The following MYO16 variants were observed in gnomAD, a reference collection of about 807,000 sequenced individuals.
MYO16 encodes the protein myosin XVI.
MYO16 carries 94 observed loss-of-function variants against 205.3 expected under a neutral mutation model. That is an observed-to-expected ratio of 0.46 (90% CI 0.39 to 0.54). The LOEUF (loss-of-function observed/expected upper bound fraction) is 0.54, where lower values mean the gene tolerates loss of function less well. MYO16 is among the 20% of genes least tolerant of loss of function. MYO16 has a pLI of 0.00. For missense variants in MYO16, 2,315 were observed against 2,387.5 expected (o/e 0.97, Z 0.63); for synonymous variants, 988 against 954.0 (o/e 1.04, Z -0.66).
rs546882385 is a variant in MYO16 at position 109,176,874 on chromosome 13, C to T, written c.5324-2668C>T. On this transcript the variant is annotated intron_variant, in intron 33 of 34. Coordinates refer to ENST00000457511, the MANE Select transcript of MYO16 (RefSeq NM_001198950.3). The stretch of plus-strand genomic sequence containing the variant: ...CCACCTGCCCAAGCTGCCATATGTC[C>T]CTGTCTGTGGAGCCCTGACACAGGT... Among the ~76,000 whole-genome samples the T allele has an allele frequency of 3.2e-3, 487 of 152,134 alleles. 2 individuals are homozygous for T. Among genetic ancestry groups the T allele is most frequent in the African/African-American group, 0.011 (463 of 41,488 alleles).
chr13:108,692,103 A>G (rs1209435650), intron 2 of MYO16, among the ~76,000 whole-genome samples: 1 of 152,374 alleles, frequency 6.6e-6, no homozygotes, highest in South Asian at 2.1e-4. Context: ...TACTGTTTAC[A>G]TTTAATAATG....
upstream of MYO16, among the ~76,000 whole-genome samples, chr13:108,629,000 C>A (rs977306803): frequency 1.3e-5 from 2 of 151,928 alleles, no homozygotes; most frequent in South Asian, 2.1e-4. Context: ...AACAATAAAC[C>A]CTAGCAGACC....
chr13:109,179,531 G>T lies in MYO16; in HGVS notation c.5324-11G>T. The T allele has an allele frequency of 6.2e-7, 1 of 1,601,252 alleles. No individual in the cohort carries two copies. The highest frequency in any genetic ancestry group is 1.1e-5 in the South Asian group (1 of 90,768). The stretch of plus-strand genomic sequence containing the variant: ...CACTGCTTAACTCCCGATTTGTGTT[G>T]ACCTCAATAGGTTTACCTGAAGAAG... On this transcript the variant is annotated splice_polypyrimidine_tract_variant and intron_variant, in intron 33 of 34. Transcript: ENST00000457511.
At position 108,823,767 on chromosome 13, in the gene MYO16, A is replaced by T. The variant is rs546448543; in HGVS notation, c.1097+489A>T. On this transcript the variant is annotated intron_variant, in intron 9 of 34. Coordinates refer to ENST00000457511, the MANE Select transcript of MYO16 (RefSeq NM_001198950.3). Reference sequence around the variant, plus strand: ...TGAAAAAGGGACACAAAGTGTGATTAATAAGAATGACAAATAACAACTTAC... The same window carrying T: ...TGAAAAAGGGACACAAAGTGTGATTTATAAGAATGACAAATAACAACTTAC... 5.9e-5 allele frequency among the ~76,000 whole-genome samples: 9 copies of T among 152,018 alleles called. No homozygotes were observed. In the South Asian group the frequency reaches 1.7e-3, roughly 28 times the overall value.
intron 6 of MYO16, among the ~76,000 whole-genome samples, chr13:108,795,196 TTTC>T (rs1489752765): frequency 4.9e-5 from 1 of 20,206 alleles, no homozygotes. Context: ...CTTTTCTTAC[TTTC>T]TTTTTTTTTT....
intron 12 of MYO16, among the ~76,000 whole-genome samples, chr13:108,881,078 T>C (rs1428091301): frequency 6.6e-6 from 1 of 152,168 alleles, no homozygotes; most frequent in Non-Finnish European, 1.5e-5. Context: ...CAGGTGTCCC[T>C]CTGAGACGAA....
At chr13:109,107,849 G>A (rs1251857803) in intron 28 of MYO16, among the ~76,000 whole-genome samples, 1 of 54,074 alleles carries the variant, frequency 1.8e-5, no homozygotes, top group Non-Finnish European at 4.2e-5. Flanking sequence ...TTATATGTGT[G>A]TGTGTCTGTG....
At chr13:108,625,828 A>C (rs1879714499), upstream of MYO16, among the ~76,000 whole-genome samples, 1 of 152,228 alleles carries the variant, frequency 6.6e-6, no homozygotes, top group African/African-American at 2.4e-5. Flanking sequence ...TGATGTTTGC[A>C]AACTTTAGTT....
chr13:108,535,942 G>A, the MYO16 span, among the ~76,000 whole-genome samples: 1 of 152,106 alleles, frequency 6.6e-6, no homozygotes, highest in Non-Finnish European at 1.5e-5. Context: ...GCTGATAAAA[G>A]AAAACTTCAC....
chr13:108,871,035 C>T lies in MYO16; in HGVS notation c.1425+4793C>T, dbSNP rs900265532. Among the ~76,000 whole-genome samples the T allele has an allele frequency of 1.1e-4, 16 of 151,936 alleles. 1 individual carries two copies. Among genetic ancestry groups the T allele is most frequent in the Admixed American group, 9.2e-4 (14 of 15,238 alleles). ...TAGAAATATAAACCGAATTAATCTTCGTTTTCTACTTTTGTTTCTCTTTGA... is the reference window on the plus strand; with the variant it reads ...TAGAAATATAAACCGAATTAATCTTTGTTTTCTACTTTTGTTTCTCTTTGA... On this transcript the variant is annotated intron_variant, in intron 12 of 34. Transcript: ENST00000457511.
chr13:108,863,334 A>T (rs1878543804), intron 11 of MYO16, among the ~76,000 whole-genome samples: 1 of 152,162 alleles, frequency 6.6e-6, no homozygotes, highest in South Asian at 2.1e-4. Context: ...TGCCATAGGT[A>T]TCATTACTTT....
the MYO16 span, among the ~76,000 whole-genome samples, chr13:108,540,666 G>T: frequency 6.6e-6 from 1 of 152,060 alleles, no homozygotes; most frequent in Non-Finnish European, 1.5e-5. Flanking sequence ...TGGAGTATAA[G>T]TTCCTTAGGT....
At chr13:108,590,850 C>A in the MYO16 span, among the ~76,000 whole-genome samples, 1 of 152,120 alleles carries the variant, frequency 6.6e-6, no homozygotes, top group African/African-American at 2.4e-5. Context: ...GGAGCACAAC[C>A]TCACCCCCTT....
At position 109,010,957 on chromosome 13, in the gene MYO16, T is replaced by TTATATATATATATATATATATATATATA. The variant is rs67321937; in HGVS notation, c.2595+1927_2595+1928insATATATATATATATATATATATATATAT. ...TCTATTATATATATTACATATAATATTATATATATATATATATATTTCTTC... is the reference window on the plus strand; with the variant it reads ...TCTATTATATATATTACATATAATATTATATATATATATATATATATATATATATATATATATATATATATATTTCTTC... On this transcript the variant is annotated intron_variant, in intron 22 of 34. Transcript: ENST00000457511. Among the ~76,000 whole-genome samples the TTATATATATATATATATATATATATATA allele has an allele frequency of 3.0e-3, 361 of 118,372 alleles. 7 individuals carry two copies. The highest frequency in any genetic ancestry group is 5.2e-3 in the African/African-American group (169 of 32,192). 77.7% of individuals were successfully genotyped at this position (118,372 alleles called of 152,430 possible). A position where few individuals can be genotyped will look rare whatever the true frequency, so the allele number is the denominator to read the frequency against.
upstream of MYO16, among the ~76,000 whole-genome samples, chr13:108,594,797 G>A (rs886893681): frequency 2.0e-5 from 3 of 152,142 alleles, no homozygotes; most frequent in African/African-American, 4.8e-5. Context: ...TGCTTGATAT[G>A]TGACATTCTT....
At chr13:109,097,820 G>A (rs1227881022) in intron 27 of MYO16, among the ~76,000 whole-genome samples, 2 of 152,156 alleles carry the variant, frequency 1.3e-5, no homozygotes, top group Non-Finnish European at 1.5e-5. Flanking sequence ...ATCCATCTAT[G>A]AGAAGAAAGG....
At chr13:108,533,595 C>T in the MYO16 span, among the ~76,000 whole-genome samples, 1 of 152,274 alleles carries the variant, frequency 6.6e-6, no homozygotes, top group Middle Eastern at 3.4e-3. Flanking sequence ...GCTGGGAGTG[C>T]AGTGTCTTTG....
chr13:108,661,275 T>C (rs1223643860), intron 1 of MYO16, among the ~76,000 whole-genome samples: 1 of 152,188 alleles, frequency 6.6e-6, no homozygotes, highest in East Asian at 1.9e-4. Context: ...TGATCTTTTT[T>C]GTGATGAATT....
In MYO16 at chr13:108,691,835, G is replaced by T. The variant is rs748634388; in HGVS notation, c.293-20826G>T. ...TCCAAACTAAGTTGATGATATATTTGATGAACAGAGGTAAGCCGGGAAAAT... is the reference window on the plus strand; with the variant it reads ...TCCAAACTAAGTTGATGATATATTTTATGAACAGAGGTAAGCCGGGAAAAT... On this transcript the variant is annotated intron_variant, in intron 2 of 34. Coordinates refer to ENST00000457511, the MANE Select transcript of MYO16 (RefSeq NM_001198950.3). 2.0e-5 allele frequency among the ~76,000 whole-genome samples: 3 copies of T among 152,160 alleles called. No homozygotes were observed. In the East Asian group the frequency reaches 5.8e-4, roughly 29 times the overall value.
Sources: gnomAD v4.1 joint callset for allele counts (sites outside exome capture counted in the v4.1 genomes callset) on GRCh38, gnomAD v4.1.1 for gene constraint, MANE v1.5 for transcripts, NCBI Gene and HGNC (gene_info 2026-07-23, HGNC 2026-07-21) for gene names.